Variants in GPR17 observed in about 807,000 individuals in gnomAD.
The protein encoded by GPR17 is uracil nucleotide/cysteinyl leukotriene receptor.
In GPR17, 4 loss-of-function variants were observed where a neutral mutation model predicts 1.5. The observed-to-expected ratio is 2.73, with a 90% CI of 1.35 to 6.25. GPR17 has a LOEUF of 6.25. GPR17 is among the 30% of genes most tolerant of loss of function. The pLI is 0.00. For missense variants in GPR17, 463 were observed against 462.1 expected (o/e 1.00, Z -0.02); for synonymous variants, 209 against 207.6 (o/e 1.01, Z -0.06).
At chr2:127,650,425 G>A (rs924576967) in intron 1 of GPR17, 37 of 537,518 alleles carry the variant, frequency 6.9e-5, no homozygotes, top group Admixed American at 3.1e-4. Flanking sequence ...GCACTGACCC[G>A]GTCCTCCCAG....
chr2:127,649,924 G>T, intron 1 of GPR17: 1 of 1,077,194 alleles, frequency 9.3e-7, no homozygotes, highest in South Asian at 1.4e-5. Flanking sequence ...CCCTGGTGGT[G>T]GATCTACTCT....
chr2:127,649,305 G>A (rs1011266790), intron 1 of GPR17, among the ~76,000 whole-genome samples: 1 of 152,160 alleles, frequency 6.6e-6, no homozygotes, highest in African/African-American at 2.4e-5. Context: ...ACCCTGCCAG[G>A]GCTGTGGCCC....
In GPR17 at chr2:127,648,771, A is replaced by T. The variant is rs577734803; in HGVS notation, c.-20-1945A>T. On this transcript the variant is annotated intron_variant, in intron 1 of 1. Transcript: ENST00000486700. Reference sequence around the variant, plus strand: ...ACCGTCTCTACCAAAAAATACAAAAATTAGCCGGGTGTGGTGGTGTGCGCC... The same window carrying T: ...ACCGTCTCTACCAAAAAATACAAAATTTAGCCGGGTGTGGTGGTGTGCGCC... Among the ~76,000 whole-genome samples the T allele has an allele frequency of 3.6e-4, 54 of 151,406 alleles. 1 individual carries two copies. In the East Asian group the frequency reaches 0.01, roughly 29 times the overall value.
At chr2:127,650,299 G>A in intron 1 of GPR17, 1 of 576,950 alleles carries the variant, frequency 1.7e-6, no homozygotes, top group East Asian at 2.9e-5. Flanking sequence ...TGGAATCCCG[G>A]AGACACACTG....
Position 127,652,431 on chromosome 2 carries a change from G to T in GPR17, c.*676G>T. On this transcript the variant is annotated 3_prime_UTR_variant, in exon 2 of 2. Transcript: ENST00000486700. ...CTTTGACAGGCTCCCAGGCCTCCCA[G>T]TCCTGGACAAGCATGTGCAGTCACG... The T allele has an allele frequency of 6.0e-6, 1 of 167,734 alleles. No individual in the cohort carries two copies. The allele number at this position is 167,734 out of a possible 1,614,324, so 10.4% of individuals were successfully genotyped here. A position where few individuals can be genotyped will look rare whatever the true frequency, so the allele number is the denominator to read the frequency against.
chr2:127,649,165 T>TAGGAAGGAAGGAAGGA (rs376330379), intron 1 of GPR17, among the ~76,000 whole-genome samples: 1,698 of 134,296 alleles, frequency 0.013, 23 homozygotes, highest in East Asian at 0.031. Flanking sequence ...GAGAGGAAGG[T>TAGGAAGGAAGGAAGGA]AGGAAGGAAG....
chr2:127,652,098 G>A lies in GPR17; in HGVS notation c.*343G>A, dbSNP rs1014159039. 3.2e-5 allele frequency: 10 copies of A among 317,242 alleles called. No individual in the cohort carries two copies. The highest frequency in any genetic ancestry group is 8.5e-5 in the African/African-American group (4 of 47,314). The allele number at this position is 317,242 out of a possible 1,614,324, so 19.7% of individuals were successfully genotyped here. A position where few individuals can be genotyped will look rare whatever the true frequency, so the allele number is the denominator to read the frequency against. On this transcript the variant is annotated 3_prime_UTR_variant, in exon 2 of 2. Coordinates refer to ENST00000486700, the MANE Select transcript of GPR17 (RefSeq NM_001161417.2). ...CCAGCCTCCTTCCCGCTACAGAATCGCTCATCGGCGAGGCTCAGCAGAAAG... is the reference window on the plus strand; with the variant it reads ...CCAGCCTCCTTCCCGCTACAGAATCACTCATCGGCGAGGCTCAGCAGAAAG...
chr2:127,648,063 C>T (rs189624221), intron 1 of GPR17: 84 of 985,776 alleles, frequency 8.5e-5, no homozygotes, highest in African/African-American at 5.9e-4. Context: ...CTCAGCTCTC[C>T]GCCCTCACCG....
Position 127,652,014 on chromosome 2 carries a change from G to A in GPR17, c.*259G>A, listed in dbSNP as rs1459915152. The A allele has an allele frequency of 1.9e-5, 10 of 538,376 alleles. No homozygotes were observed. Among genetic ancestry groups the A allele is most frequent in the Non-Finnish European group, 3.0e-5 (9 of 295,522 alleles). The allele number at this position is 538,376 out of a possible 1,614,324, so 33.3% of individuals were successfully genotyped here. A position where few individuals can be genotyped will look rare whatever the true frequency, so the allele number is the denominator to read the frequency against. Reference sequence around the variant, plus strand: ...TCAACGACTTCATCTGTGGCAGGGAGAGAGGAGGCCGGAAGAACAACCCCT... The same window carrying A: ...TCAACGACTTCATCTGTGGCAGGGAAAGAGGAGGCCGGAAGAACAACCCCT... On this transcript the variant is annotated 3_prime_UTR_variant, in exon 2 of 2. Coordinates refer to ENST00000486700, the MANE Select transcript of GPR17 (RefSeq NM_001161417.2).
At chr2:127,648,288 T>C in intron 1 of GPR17, 2 of 675,230 alleles carry the variant, frequency 3.0e-6, no homozygotes, top group Non-Finnish European at 3.7e-6. Context: ...TCTTTTCAGG[T>C]AGGGGAACCT....
chr2:127,652,043 C>G lies in GPR17; in HGVS notation c.*288C>G, dbSNP rs903861702. 2 of 439,862 alleles carry G rather than the reference C, an allele frequency of 4.5e-6. No individual in the cohort carries two copies. The highest frequency in any genetic ancestry group is 6.2e-4 in the Middle Eastern group (1 of 1,608). The allele number at this position is 439,862 out of a possible 1,614,324, so 27.2% of individuals were successfully genotyped here. A position where few individuals can be genotyped will look rare whatever the true frequency, so the allele number is the denominator to read the frequency against. On this transcript the variant is annotated 3_prime_UTR_variant, in exon 2 of 2. Transcript: ENST00000486700. ...GGAGGCCGGAAGAACAACCCCTGAA[C>G]AATGGAGGCCTTTCTTTCCCGCTAG... is the stretch of plus-strand genomic sequence containing the variant.
In GPR17 at chr2:127,651,251, C is replaced by T. The variant is rs200624530; in HGVS notation, c.516C>T (p.Thr172=). 1.1e-4 allele frequency: 178 copies of T among 1,606,164 alleles called. No homozygotes were observed. The Admixed American group carries it at 2.5e-3, about 22-fold the overall frequency. ...AMAPLLVSPQ[T]VQTNHTVVCL... ...CCCCGCTGCTGGTGAGCCCACAGAC[C>T]GTGCAGACCAACCACACGGTGGTCT... The change falls in exon 2 of 2, where the codon ACC becomes ACT. Residue 172 remains threonine, a synonymous_variant. Transcript: ENST00000486700.
At chr2:127,649,912 C>T (rs933274947) in intron 1 of GPR17, 3 of 959,694 alleles carry the variant, frequency 3.1e-6, no homozygotes, top group East Asian at 2.6e-5. Flanking sequence ...AGAGATGCTG[C>T]CCCCTGGTGG....
intron 1 of GPR17, chr2:127,650,401 C>T (rs1683610474): frequency 1.9e-6 from 1 of 534,816 alleles, no homozygotes; most frequent in Non-Finnish European, 3.3e-6. Context: ...GCTCACGTCC[C>T]ATTCCCCGCC....
At position 127,646,248 on chromosome 2, in the gene GPR17, A is replaced by C. The variant is rs1682964530; in HGVS notation, c.-21+4A>C. The C allele has an allele frequency of 1.3e-5, 2 of 152,346 alleles. 1 individual carries two copies. Among genetic ancestry groups the C allele is most frequent in the Non-Finnish European group, 2.9e-5 (2 of 68,108 alleles). The allele number at this position is 152,346 out of a possible 1,614,324, so 9.4% of individuals were successfully genotyped here. A position where few individuals can be genotyped will look rare whatever the true frequency, so the allele number is the denominator to read the frequency against. ...CCTCCCGGACCAGCAGCTAGAGGTA[A>C]GGGGCAGGCTGGGTGGGGTGGACTG... On this transcript the variant is annotated splice_donor_region_variant and intron_variant, in intron 1 of 1. Transcript: ENST00000486700.
At position 127,647,859 on chromosome 2, in the gene GPR17, C is replaced by T; in HGVS notation, c.-21+1615C>T. Among the ~76,000 whole-genome samples, 1 of 152,068 alleles carries T rather than the reference C, an allele frequency of 6.6e-6. No individual in the cohort carries two copies. The highest frequency in any genetic ancestry group is 6.5e-5 in the Admixed American group (1 of 15,284). On this transcript the variant is annotated intron_variant, in intron 1 of 1. Coordinates refer to ENST00000486700, the MANE Select transcript of GPR17 (RefSeq NM_001161417.2). This position sits in a 1 kb window ranked among gnomAD's most constrained non-coding sequence, Gnocchi z 4.3. ...ACACGACACCCTCAAAGTCATGGGCCCCCCTCCCCTGCCACCGTCCCACCG... is the reference window on the plus strand; with the variant it reads ...ACACGACACCCTCAAAGTCATGGGCTCCCCTCCCCTGCCACCGTCCCACCG...
intron 1 of GPR17, among the ~76,000 whole-genome samples, chr2:127,649,307 C>T (rs1326320538): frequency 6.6e-6 from 1 of 152,176 alleles, no homozygotes; most frequent in Non-Finnish European, 1.5e-5. Context: ...CCTGCCAGGG[C>T]TGTGGCCCGT....
rs1424498300 is a variant in GPR17 at position 127,651,288 on chromosome 2, T to C, written c.553T>C (p.Tyr185His). The change falls in exon 2 of 2, where the codon TAC becomes CAC. Residue 185 changes from tyrosine to histidine, a missense_variant. Transcript: ENST00000486700. ...CCACACGGTGGTCTGCCTGCAGCTG[T>C]ACCGGGAGAAGGCCTCCCACCATGC... ...TNHTVVCLQLYREKASHHALV... is the reference protein window; with the variant it reads ...TNHTVVCLQLHREKASHHALV... The C allele has an allele frequency of 4.4e-6, 7 of 1,607,734 alleles. No homozygotes were observed. In the Admixed American group the frequency reaches 8.3e-5, roughly 19 times the overall value.
Position 127,648,698 on chromosome 2 carries a change from G to A in GPR17, c.-20-2018G>A, listed in dbSNP as rs556071097. On this transcript the variant is annotated intron_variant, in intron 1 of 1. Coordinates refer to ENST00000486700, the MANE Select transcript of GPR17 (RefSeq NM_001161417.2). The stretch of plus-strand genomic sequence containing the variant: ...GCACTTTGGGAGGCCAAGGAGAGAG[G>A]ATCACTTGAGCCCAGGAGTTTGAGA... Among the ~76,000 whole-genome samples, 89 of 152,108 alleles carry A rather than the reference G, an allele frequency of 5.9e-4. 1 individual carries two copies. The highest frequency in any genetic ancestry group is 5.2e-3 in the Admixed American group (79 of 15,286).
Sources: allele counts gnomAD v4.1 joint callset (sites outside exome capture counted in the v4.1 genomes callset), GRCh38; gene constraint gnomAD v4.1.1; non-coding constraint Gnocchi (gnomAD v3.1); transcripts MANE v1.5; gene names NCBI Gene and HGNC (gene_info 2026-07-23, HGNC 2026-07-21).